FHIP1A: variants seen among roughly 807,000 people sequenced by gnomAD.
The protein encoded by FHIP1A is FHF complex subunit HOOK interacting protein 1A.
A neutral mutation model predicts 88.6 loss-of-function variants in FHIP1A; 61 were observed. That is an observed-to-expected ratio of 0.69 (90% CI 0.56 to 0.85). FHIP1A has a LOEUF of 0.85. FHIP1A is among the 40% of genes least tolerant of loss of function. The pLI, the probability that FHIP1A is intolerant of heterozygous loss-of-function variation, is 0.00. For synonymous variants in FHIP1A, 478 were observed against 496.0 expected (o/e 0.96, Z 0.48); for missense variants, 1,154 against 1,273.5 (o/e 0.91, Z 1.43).
At chr4:151,497,710 C>T (rs747164220) in intron 3 of FHIP1A, among the ~76,000 whole-genome samples, 2 of 152,190 alleles carry the variant, frequency 1.3e-5, no homozygotes, top group African/African-American at 4.8e-5. Flanking sequence ...CACAGAAAGG[C>T]CCCCAGCAAC....
intron 1 of FHIP1A, among the ~76,000 whole-genome samples, chr4:151,418,257 A>G (rs1214317877): frequency 6.6e-6 from 1 of 151,728 alleles, no homozygotes; most frequent in East Asian, 1.9e-4. Context: ...ACACCAACTG[A>G]CTTGATATTT....
intron 1 of FHIP1A, among the ~76,000 whole-genome samples, chr4:151,445,259 C>A (rs1430508661): frequency 2.0e-5 from 3 of 151,986 alleles, no homozygotes; most frequent in East Asian, 3.9e-4. Flanking sequence ...CTAGAAGGGT[C>A]CCAGCATAGG....
Position 151,566,233 on chromosome 4 carries a change from C to T in FHIP1A, c.-27C>T. On this transcript the variant is annotated 5_prime_UTR_variant, in exon 4 of 14. Transcript: ENST00000435205. ...AAATTTTAATGAAAATTAAATATGA[C>T]TTAGAAGCATTGATTTATGAAGGCT... 1.4e-6 allele frequency: 2 copies of T among 1,428,906 alleles called. No individual in the cohort carries two copies. Among genetic ancestry groups the T allele is most frequent in the Non-Finnish European group, 1.9e-6 (2 of 1,045,418 alleles). The allele number at this position is 1,428,906 out of a possible 1,614,324, so 88.5% of individuals were successfully genotyped here.
intron 1 of FHIP1A, among the ~76,000 whole-genome samples, chr4:151,414,067 T>C (rs1732789572): frequency 6.6e-6 from 1 of 152,078 alleles, no homozygotes. Context: ...TTTTTTTTTT[T>C]TGAGACGGAG....
chr4:151,453,430 A>G (rs1260626218), intron 1 of FHIP1A, among the ~76,000 whole-genome samples: 1 of 152,176 alleles, frequency 6.6e-6, no homozygotes, highest in African/African-American at 2.4e-5. Flanking sequence ...TTAACCTCTC[A>G]GTGCCTTATT....
chr4:151,590,527 G>C (rs998678309), intron 7 of FHIP1A, among the ~76,000 whole-genome samples: 2 of 152,132 alleles, frequency 1.3e-5, no homozygotes, highest in Non-Finnish European at 2.9e-5. Flanking sequence ...ATGTGCTATT[G>C]CTTGCTTAAT....
At chr4:151,647,302 A>C (rs1033831423) in intron 10 of FHIP1A, among the ~76,000 whole-genome samples, 13 of 152,200 alleles carry the variant, frequency 8.5e-5, no homozygotes, top group Admixed American at 8.5e-4. Context: ...ATACAAGCAA[A>C]ACTGAAATGG....
chr4:151,547,637 G>C (rs764808188), intron 3 of FHIP1A, among the ~76,000 whole-genome samples: 17 of 152,222 alleles, frequency 1.1e-4, no homozygotes, highest in Admixed American at 5.9e-4. Context: ...TGCTGGGCCA[G>C]GCACAGTGGC....
At chr4:151,543,790 T>C (rs1183828276) in intron 3 of FHIP1A, among the ~76,000 whole-genome samples, 1 of 151,896 alleles carries the variant, frequency 6.6e-6, no homozygotes, top group Non-Finnish European at 1.5e-5. Context: ...AGTGGACATA[T>C]TGTTTCCTTC....
intron 3 of FHIP1A, among the ~76,000 whole-genome samples, chr4:151,510,866 T>C (rs1731003449): frequency 6.6e-6 from 1 of 152,232 alleles, no homozygotes; most frequent in Non-Finnish European, 1.5e-5. Flanking sequence ...TGTTTATTTA[T>C]TGATTTTTCT....
Position 151,667,878 on chromosome 4 carries a change from G to A in FHIP1A, c.*5124G>A, listed in dbSNP as rs943764693. Among the ~76,000 whole-genome samples the A allele has an allele frequency of 1.1e-4, 16 of 152,176 alleles. No homozygotes were observed. Among genetic ancestry groups the A allele is most frequent in the Non-Finnish European group, 1.2e-4 (8 of 68,028 alleles). On this transcript the variant is annotated 3_prime_UTR_variant, in exon 14 of 14. Coordinates refer to ENST00000435205, the MANE Select transcript of FHIP1A (RefSeq NM_001109977.3). ...AGTTTAGATTTACTGTGTCATTTCAGAACCCAACAAAGGTGATGGAAGCTC... is the reference window on the plus strand; with the variant it reads ...AGTTTAGATTTACTGTGTCATTTCAAAACCCAACAAAGGTGATGGAAGCTC...
chr4:151,654,224 C>G (rs995113852), intron 11 of FHIP1A, among the ~76,000 whole-genome samples: 1 of 152,188 alleles, frequency 6.6e-6, no homozygotes, highest in Non-Finnish European at 1.5e-5. Flanking sequence ...TGTATCATTA[C>G]AGTCTACTGG....
chr4:151,505,063 T>C (rs1478721109), intron 3 of FHIP1A, among the ~76,000 whole-genome samples: 1 of 152,208 alleles, frequency 6.6e-6, no homozygotes, highest in Non-Finnish European at 1.5e-5. Context: ...ACTGTATGTA[T>C]GTCCTCCATG....
At chr4:151,458,008 T>TA (rs1412928833) in intron 2 of FHIP1A, among the ~76,000 whole-genome samples, 4 of 152,222 alleles carry the variant, frequency 2.6e-5, no homozygotes, top group African/African-American at 9.6e-5. Context: ...ATAATGATTG[T>TA]AAAAAATAGC....
chr4:151,649,257 A>G (rs1479928750), intron 10 of FHIP1A, among the ~76,000 whole-genome samples: 1 of 152,138 alleles, frequency 6.6e-6, no homozygotes, highest in East Asian at 1.9e-4. Context: ...TTGGTTTTCT[A>G]TCTTCCGTGA....
At chr4:151,651,063 G>A (rs1239122439) in intron 11 of FHIP1A, among the ~76,000 whole-genome samples, 4 of 152,212 alleles carry the variant, frequency 2.6e-5, no homozygotes, top group Non-Finnish European at 2.9e-5. Context: ...CTCAGAGTCC[G>A]TGTTGGGTGA....
rs370471437 is a variant in FHIP1A at position 151,588,900 on chromosome 4, C to A, written c.952C>A (p.Pro318Thr). ...VNYIYNGFLV[P>T]VLAPALHKVT... ...TTACATTTACAATGGATTTTTGGTA[C>A]CAGTCTTGGCTCCTGCTCTCCATAA... The change falls in exon 7 of 14, where the codon CCA (proline) becomes ACA (threonine). Residue 318 changes from proline (P) to threonine (T), a missense_variant. Coordinates refer to ENST00000435205, the MANE Select transcript of FHIP1A (RefSeq NM_001109977.3). 2 of 1,550,782 alleles carry A rather than the reference C, an allele frequency of 1.3e-6. No homozygotes were observed. The highest frequency in any genetic ancestry group is 1.7e-6 in the Non-Finnish European group (2 of 1,146,264).
chr4:151,552,959 C>A (rs2126748524), intron 3 of FHIP1A, among the ~76,000 whole-genome samples: 1 of 152,068 alleles, frequency 6.6e-6, no homozygotes, highest in Non-Finnish European at 1.5e-5. Context: ...AAAAATAGAA[C>A]CACCTTTCTT....
intron 1 of FHIP1A, among the ~76,000 whole-genome samples, chr4:151,412,031 G>A (rs573770600): frequency 1.3e-5 from 2 of 152,330 alleles, no homozygotes; most frequent in Admixed American, 6.5e-5. Flanking sequence ...TTTGTGCCTT[G>A]TGATTTAACC....
Sources: allele counts gnomAD v4.1 joint callset (sites outside exome capture counted in the v4.1 genomes callset), GRCh38; gene constraint gnomAD v4.1.1; transcripts MANE v1.5; gene names NCBI Gene and HGNC (gene_info 2026-07-23, HGNC 2026-07-21).